Variants in FBN3 observed in about 807,000 individuals in gnomAD.
FBN3 encodes fibrillin-3.
In FBN3, 234 loss-of-function variants were observed where a neutral mutation model predicts 330.1. That is an observed-to-expected ratio of 0.71 (90% CI 0.64 to 0.79). FBN3 has a LOEUF of 0.79. FBN3 is among the 30% of genes least tolerant of loss of function. FBN3 has a pLI of 0.00. For missense variants in FBN3, 3,606 were observed against 3,886.9 expected, an observed-to-expected ratio of 0.93 and a Z score of 1.92; for synonymous variants, 1,458 against 1,517.3, an observed-to-expected ratio of 0.96 and a Z score of 0.91.
At chr19:8,106,953 T>A (rs2082452292) in intron 37 of FBN3, among the ~76,000 whole-genome samples, 1 of 147,208 alleles carries the variant, frequency 6.8e-6, no homozygotes, top group Non-Finnish European at 1.5e-5. Flanking sequence ...GGGTGGGAGA[T>A]GGATGGATGG....
At chr19:8,136,623 C>G in intron 10 of FBN3, 92 bp from the exon 11 acceptor site, 1 of 1,542,648 alleles carries the variant, frequency 6.5e-7, no homozygotes, top group South Asian at 1.2e-5. Context: ...CAGATACCCC[C>G]TCTAAGGCTG....
rs141427398 is a variant in FBN3 at position 8,141,977 on chromosome 19, G to A, written c.702C>T (p.Arg234=). The stretch of plus-strand genomic sequence containing the variant: ...CCGTGTGGATATTGGGGATGAAGCC[G>A]CGGCGGCAGGGGTGTGGCTGTGCAG... The part of the protein sequence containing the change: ...LCPAQPHPCR[R]GFIPNIHTGA... The change falls in exon 7 of 64, where the codon CGC becomes CGT. Residue 234 remains arginine (R), a synonymous_variant. Coordinates refer to ENST00000600128, the MANE Select transcript of FBN3 (RefSeq NM_032447.5). 4.0e-5 allele frequency: 65 copies of A among 1,614,034 alleles called. No individual in the cohort carries two copies. The highest frequency in any genetic ancestry group is 1.1e-4 in the South Asian group (10 of 91,088).
At chr19:8,113,843 A>AAG (rs2082646316) in intron 30 of FBN3, among the ~76,000 whole-genome samples, 1 of 143,408 alleles carries the variant, frequency 7.0e-6, no homozygotes, top group South Asian at 2.2e-4. Flanking sequence ...TATCTCTACA[A>AAG]AAAAAAAAAA....
In FBN3 at chr19:8,123,784, C is replaced by T; in HGVS notation, c.2956G>A (p.Asp986Asn). 2 of 1,613,222 alleles carry T rather than the reference C, an allele frequency of 1.2e-6. No individual in the cohort carries two copies. Among genetic ancestry groups the T allele is most frequent in the African/African-American group, 1.3e-5 (1 of 75,044 alleles). ...GGCCTGACCCCTTCCCCAACCGCAC[C>T]TTTATAGAATGGTCGGCCAGACAGG... The part of the protein sequence containing the change: ...DFLSGRPFYK[D>N]VNECKVFPGL... Residue 986 changes from aspartate (D) to asparagine (N), a missense_variant and splice_region_variant, in exon 23 of 64, where the codon GAT (aspartate) becomes AAT (asparagine). Asp to Asn is a conservative substitution (Grantham distance 23). Transcript: ENST00000600128.
chr19:8,090,503 A>C (rs1396394624), intron 48 of FBN3, among the ~76,000 whole-genome samples: 2 of 128,358 alleles, frequency 1.6e-5, no homozygotes, highest in Non-Finnish European at 3.4e-5. Context: ...TTTTTTTTTC[A>C]GATGGAGTCT....
chr19:8,136,123 C>T (rs1463769655), intron 12 of FBN3, 37 bp from the exon 13 acceptor site: 1 of 1,611,990 alleles, frequency 6.2e-7, no homozygotes, highest in African/African-American at 1.3e-5. Context: ...AGAGGTGCTC[C>T]CCACCCTCCA....
At position 8,105,968 on chromosome 19, in the gene FBN3, G is replaced by T. The variant is rs145165632; in HGVS notation, c.4813+140C>A. ...TAAAGGCAGCAAGAGAGAACTGACA[G>T]ATCATGACAAAAGAGGAGGCAGGGG... On this transcript the variant is annotated intron_variant, in intron 38 of 63. Transcript: ENST00000600128. The T allele has an allele frequency of 1.1e-3, 1,061 of 953,924 alleles. 10 individuals carry two copies. Among genetic ancestry groups the T allele is most frequent in the South Asian group, 7.6e-3 (458 of 59,986 alleles). The allele number at this position is 953,924 out of a possible 1,614,324, so 59.1% of individuals were successfully genotyped here.
intron 38 of FBN3, among the ~76,000 whole-genome samples, chr19:8,105,261 CTT>C (rs1185900615): frequency 1.8e-4 from 25 of 137,624 alleles, no homozygotes; most frequent in Admixed American, 2.2e-4. Flanking sequence ...TCTTTTTTTT[CTT>C]TTTTTTTTTT....
In FBN3 at chr19:8,075,190, T is replaced by G; in HGVS notation, c.7583A>C (p.Asp2528Ala). The G allele has an allele frequency of 6.4e-7, 1 of 1,569,710 alleles. No individual in the cohort carries two copies. The highest frequency in any genetic ancestry group is 8.7e-7 in the Non-Finnish European group (1 of 1,154,266). Residue 2528 changes from aspartate to alanine, a missense_variant and splice_region_variant, in exon 61 of 64, where the codon GAT becomes GCT. Asp to Ala is a moderately radical substitution (Grantham distance 126). Coordinates refer to ENST00000600128, the MANE Select transcript of FBN3 (RefSeq NM_032447.5). ...TLVSSGHGCE[D>A]VNECDGPHRC... ...GTGGGGCCCATCACATTCATTCACA[T>G]CTGAGACATAGAGAGAGGGAGAGAG...
At chr19:8,100,252 G>T (rs555510469) in intron 41 of FBN3, among the ~76,000 whole-genome samples, 1 of 152,122 alleles carries the variant, frequency 6.6e-6, no homozygotes, top group Admixed American at 6.6e-5. Context: ...GGGAGGAGAT[G>T]AGAAAGTTCC....
At position 8,091,402 on chromosome 19, in the gene FBN3, G is replaced by A. The variant is rs993883513; in HGVS notation, c.6031+63C>T. 2.2e-5 allele frequency: 35 copies of A among 1,582,964 alleles called. 1 individual carries two copies. Among genetic ancestry groups the A allele is most frequent in the Non-Finnish European group, 2.8e-5 (33 of 1,162,004 alleles). On this transcript the variant is annotated intron_variant, in intron 48 of 63. Transcript: ENST00000600128. ...ACAAGAAACCACAGCCCTCTTTTCT[G>A]GGCAATCTGACCCTTCCCCGCCCCA... is the stretch of plus-strand genomic sequence containing the variant.
chr19:8,132,842 TC>T (rs2083180627), intron 14 of FBN3, 141 bp downstream of exon 14: 3 of 967,512 alleles, frequency 3.1e-6, no homozygotes, highest in African/African-American at 1.6e-5. Context: ...TCCCTCCTCC[TC>T]CTCTTTTTCT....
rs751676664 is a variant in FBN3 at position 8,065,931 on chromosome 19, C to T, written c.8418G>A (p.Leu2806=). The change falls in exon 64 of 64, where the codon CTG becomes CTA. Residue 2806 remains leucine (L), a synonymous_variant. Coordinates refer to ENST00000600128, the MANE Select transcript of FBN3 (RefSeq NM_032447.5). The part of the protein sequence containing the change: ...WGQALRLKVQ[L]QLL ...AGGCTCCTCCCAACTAAAGCAACTG[C>T]AGCTGCACCTTCAGCCTCAAGGCCT... The T allele has an allele frequency of 1.3e-6, 2 of 1,582,110 alleles. No individual in the cohort carries two copies. Among genetic ancestry groups the T allele is most frequent in the Non-Finnish European group, 8.6e-7 (1 of 1,162,566 alleles).
chr19:8,124,073 G>T, intron 22 of FBN3, 65 bp from the exon 23 acceptor site: 1 of 1,374,490 alleles, frequency 7.3e-7, no homozygotes. Context: ...GGACAGGCGT[G>T]CCGCTCAGTC....
At chr19:8,067,891 T>C (rs530432453) in intron 63 of FBN3, among the ~76,000 whole-genome samples, 30 of 151,520 alleles carry the variant, frequency 2.0e-4, no homozygotes, top group African/African-American at 7.3e-4. Flanking sequence ...GGTGAAACTC[T>C]GTCTCTACTA....
chr19:8,121,065 G>C lies in FBN3; in HGVS notation c.3211+193C>G, dbSNP rs1179585384. 6.6e-6 allele frequency among the ~76,000 whole-genome samples: 1 copy of C among 151,908 alleles called. No homozygotes were observed. Among genetic ancestry groups the C allele is most frequent in the Non-Finnish European group, 1.5e-5 (1 of 67,974 alleles). On this transcript the variant is annotated intron_variant, in intron 25 of 63. Transcript: ENST00000600128. This position sits in a 1 kb window ranked among gnomAD's most constrained non-coding sequence, Gnocchi z 4.5. Reference sequence around the variant, plus strand: ...GTGTGCCGGCCACCCCCAGGTCTCAGGCCCCAGGTCTCTCTCCTAAGGACG... The same window carrying C: ...GTGTGCCGGCCACCCCCAGGTCTCACGCCCCAGGTCTCTCTCCTAAGGACG...
In FBN3 at chr19:8,081,474, T is replaced by C. The variant is rs2081782936; in HGVS notation, c.7220A>G (p.Asp2407Gly). 1.9e-6 allele frequency: 3 copies of C among 1,603,548 alleles called. No individual in the cohort carries two copies. The highest frequency in any genetic ancestry group is 2.6e-6 in the Non-Finnish European group (3 of 1,175,662). The change falls in exon 58 of 64, where the codon GAT becomes GGT. Residue 2407 changes from aspartate to glycine, a missense_variant. Physicochemically the swap from Asp to Gly is moderately conservative, Grantham distance 94. Coordinates refer to ENST00000600128, the MANE Select transcript of FBN3 (RefSeq NM_032447.5). ...DATATTCLDM[D>G]ECSQVPKPCT... Reference sequence around the variant, plus strand: ...TGGCTTGGGGACCTGGCTGCACTCATCCATATCTGGGGAAGGACAGCGTGG... The same window carrying C: ...TGGCTTGGGGACCTGGCTGCACTCACCCATATCTGGGGAAGGACAGCGTGG...
At chr19:8,084,287 C>T (rs1408322275) in intron 56 of FBN3, among the ~76,000 whole-genome samples, 1 of 152,200 alleles carries the variant, frequency 6.6e-6, no homozygotes, top group Non-Finnish European at 1.5e-5. Flanking sequence ...TTCTACTTCA[C>T]AGATGAACAT....
chr19:8,125,018 C>T (rs1317961250), intron 22 of FBN3, among the ~76,000 whole-genome samples: 1 of 152,182 alleles, frequency 6.6e-6, no homozygotes, highest in Non-Finnish European at 1.5e-5. Flanking sequence ...AACAAATGCA[C>T]CTTCTAACCC....
Sources: gnomAD v4.1 joint callset for allele counts (sites outside exome capture counted in the v4.1 genomes callset) on GRCh38, gnomAD v4.1.1 for gene constraint, Gnocchi (gnomAD v3.1) non-coding constraint, MANE v1.5 for transcripts, NCBI Gene and HGNC (gene_info 2026-07-23, HGNC 2026-07-21) for gene names.